The following RXFP1 variants were observed in gnomAD, a reference collection of about 807,000 sequenced individuals.
RXFP1 encodes relaxin receptor 1.
Under a neutral mutation model 89.8 loss-of-function variants are expected in RXFP1, and 73 were observed. That is an observed-to-expected ratio of 0.81 (90% confidence interval 0.67 to 0.99). RXFP1 has a LOEUF of 0.99. Among genes scored for constraint, RXFP1 ranks in the 50% least tolerant of loss-of-function variants. RXFP1 has a pLI of 0.00. For missense variants in RXFP1, 793 were observed against 895.5 expected (o/e 0.89, Z 1.46); for synonymous variants, 277 against 305.5 (o/e 0.91, Z 0.97).
At chr4:158,591,648 C>T (rs1759501881) in intron 2 of RXFP1, among the ~76,000 whole-genome samples, 1 of 151,838 alleles carries the variant, frequency 6.6e-6, no homozygotes, top group Non-Finnish European at 1.5e-5. Flanking sequence ...ACTCAGGAGC[C>T]TGAGGGAGGA....
intron 12 of RXFP1, among the ~76,000 whole-genome samples, chr4:158,636,983 A>T (rs1769297729): frequency 6.6e-6 from 1 of 152,182 alleles, no homozygotes; most frequent in Non-Finnish European, 1.5e-5. Context: ...CATATAAATG[A>T]GATCATGTGG....
intron 1 of RXFP1, among the ~76,000 whole-genome samples, chr4:158,547,876 G>C (rs886524668): frequency 6.6e-6 from 1 of 151,976 alleles, no homozygotes; most frequent in Non-Finnish European, 1.5e-5. Flanking sequence ...CCAACTATGT[G>C]GTCAATTTTG....
At chr4:158,626,132 A>ATAGATAGATAGATAGATAGATAGATAGT (rs1766719265) in intron 9 of RXFP1, among the ~76,000 whole-genome samples, 3 of 143,890 alleles carry the variant, frequency 2.1e-5, no homozygotes, top group African/African-American at 7.7e-5. Context: ...AGATAGATAG[A>ATAGATAGATAGATAGATAGATAGATAGT]TAGATAGATA....
intron 5 of RXFP1, chr4:158,607,141 C>T (rs1762676109): frequency 1.3e-6 from 2 of 1,530,630 alleles, no homozygotes; most frequent in African/African-American, 1.4e-5. Context: ...GGCAAGTACA[C>T]ATAGAAGTGC....
intron 2 of RXFP1, among the ~76,000 whole-genome samples, chr4:158,582,653 C>T (rs1757600672): frequency 6.6e-6 from 1 of 152,152 alleles, no homozygotes; most frequent in South Asian, 2.1e-4. Flanking sequence ...CCCTTATGGC[C>T]ATTTCTCCTC....
chr4:158,537,685 A>G (rs1241377646), intron 1 of RXFP1, among the ~76,000 whole-genome samples: 1 of 152,180 alleles, frequency 6.6e-6, no homozygotes, highest in African/African-American at 2.4e-5. Context: ...CCAAGCACCA[A>G]TACAGGCATC....
intron 10 of RXFP1, among the ~76,000 whole-genome samples, chr4:158,627,377 G>A (rs915750416): frequency 5.3e-5 from 8 of 152,234 alleles, no homozygotes; most frequent in East Asian, 1.9e-4. Flanking sequence ...ATAAGTAGGT[G>A]ATGAAAGTAA....
intron 4 of RXFP1, among the ~76,000 whole-genome samples, chr4:158,604,867 A>T (rs1343221222): frequency 5.9e-5 from 9 of 152,138 alleles, no homozygotes; most frequent in South Asian, 4.1e-4. Flanking sequence ...CCAAAATTTT[A>T]AAAAAATGAA....
rs143134551 is a variant in RXFP1, at chr4:158,650,325, C to T, written c.1976-1432C>T. 7.0e-3 allele frequency among the ~76,000 whole-genome samples: 1,059 copies of T among 151,682 alleles called. 11 individuals carry two copies. Among genetic ancestry groups the T allele is most frequent in the African/African-American group, 0.024 (984 of 41,330 alleles). Reference sequence around the variant, plus strand: ...GGTGGTTATGGTACAATGATATGAACGTACTTAATGCCACTGAGCTGTCCA... The same window carrying T: ...GGTGGTTATGGTACAATGATATGAATGTACTTAATGCCACTGAGCTGTCCA... On this transcript the variant is annotated intron_variant, in intron 17 of 17. Transcript: ENST00000307765.
At chr4:158,606,999 C>A (rs1301525417) in intron 5 of RXFP1, 4 of 1,335,272 alleles carry the variant, frequency 3.0e-6, no homozygotes, top group Non-Finnish European at 4.1e-6. Context: ...ATATTGATTT[C>A]TTTCTTATTG....
At chr4:158,603,578 C>T (rs1177383064) in intron 4 of RXFP1, among the ~76,000 whole-genome samples, 1 of 151,780 alleles carries the variant, frequency 6.6e-6, no homozygotes, top group Non-Finnish European at 1.5e-5. Context: ...CTATTTGTCC[C>T]CTCCTGTGAA....
At chr4:158,537,821 G>A (rs965584356) in intron 1 of RXFP1, among the ~76,000 whole-genome samples, 1 of 152,204 alleles carries the variant, frequency 6.6e-6, no homozygotes, top group Non-Finnish European at 1.5e-5. Context: ...TAAGTATTGT[G>A]AAGAAGGAAA....
At chr4:158,591,832 T>C (rs1759539999) in intron 2 of RXFP1, among the ~76,000 whole-genome samples, 1 of 152,210 alleles carries the variant, frequency 6.6e-6, no homozygotes, top group Admixed American at 6.5e-5. Flanking sequence ...CAAACTTTTA[T>C]AACTTCACTC....
chr4:158,627,294 G>A (rs1767046368), intron 10 of RXFP1, among the ~76,000 whole-genome samples: 1 of 151,946 alleles, frequency 6.6e-6, no homozygotes, highest in South Asian at 2.1e-4. Flanking sequence ...TCTTCCTTCA[G>A]TAAAAAAAAA....
intron 1 of RXFP1, among the ~76,000 whole-genome samples, chr4:158,542,079 CTA>C (rs1553993932): frequency 0.019 from 573 of 29,820 alleles, 31 homozygotes; most frequent in African/African-American, 0.049. Context: ...GCCACCATGG[CTA>C]TATATATATA....
intron 1 of RXFP1, among the ~76,000 whole-genome samples, chr4:158,548,711 G>A (rs1749227310): frequency 6.6e-6 from 1 of 152,142 alleles, no homozygotes; most frequent in Admixed American, 6.6e-5. Context: ...CACTTTTGAA[G>A]CTTAGTTTAG....
chr4:158,566,277 T>G (rs2149966230), intron 1 of RXFP1, among the ~76,000 whole-genome samples: 2 of 152,348 alleles, frequency 1.3e-5, no homozygotes, highest in Non-Finnish European at 2.9e-5. Context: ...GGTCAAAAAC[T>G]TACTTTCAAA....
intron 5 of RXFP1, among the ~76,000 whole-genome samples, chr4:158,607,473 AC>A (rs1467182296): frequency 6.6e-6 from 1 of 152,214 alleles, no homozygotes; most frequent in Non-Finnish European, 1.5e-5. Context: ...GACATTAAAA[AC>A]ATCATACACT....
intron 8 of RXFP1, among the ~76,000 whole-genome samples, chr4:158,616,127 A>G (rs1051261003): frequency 6.6e-6 from 1 of 152,172 alleles, no homozygotes; most frequent in Non-Finnish European, 1.5e-5. Flanking sequence ...GCAAAACACA[A>G]TAAAACAAGG....
Sources: gnomAD v4.1 joint callset for allele counts (sites outside exome capture counted in the v4.1 genomes callset) on GRCh38, gnomAD v4.1.1 for gene constraint, MANE v1.5 for transcripts, NCBI Gene and HGNC (gene_info 2026-07-23, HGNC 2026-07-21) for gene names.